DLG5: variants seen among roughly 807,000 people sequenced by gnomAD.
DLG5 encodes discs large MAGUK scaffold protein 5, also known as disks large homolog 5.
In DLG5, 48 loss-of-function variants were observed where a neutral mutation model predicts 189.8. The observed-to-expected ratio is 0.25, with a 90% CI of 0.20 to 0.32. DLG5 has a LOEUF of 0.32. DLG5 is among the 10% of genes least tolerant of loss of function. The pLI is 1.00. For missense variants in DLG5, 2,160 were observed against 2,544.7 expected (o/e 0.85, Z 3.25); for synonymous variants, 1,016 against 1,054.1 (o/e 0.96, Z 0.70).
At chr10:77,913,041 C>CTT (rs751586651) in intron 1 of DLG5, among the ~76,000 whole-genome samples, 2 of 152,146 alleles carry the variant, frequency 1.3e-5, no homozygotes, top group Non-Finnish European at 2.9e-5. Context: ...ATCTGGCTCT[C>CTT]ACCTAAGAGT....
At chr10:77,860,756 T>C (rs1425317529) in intron 2 of DLG5, among the ~76,000 whole-genome samples, 6 of 152,230 alleles carry the variant, frequency 3.9e-5, no homozygotes, top group African/African-American at 1.4e-4. Context: ...ATATGGAATA[T>C]GGACCTCTAA....
intron 1 of DLG5, among the ~76,000 whole-genome samples, chr10:77,899,032 C>G (rs963573822): frequency 6.6e-6 from 1 of 152,222 alleles, no homozygotes; most frequent in Non-Finnish European, 1.5e-5. Context: ...ATGGCCCAAT[C>G]TGAAGATGGC....
At chr10:77,865,746 C>A (rs541617131) in intron 2 of DLG5, among the ~76,000 whole-genome samples, 1 of 152,046 alleles carries the variant, frequency 6.6e-6, no homozygotes, top group Admixed American at 6.6e-5. Context: ...GGGAGGGCCT[C>A]GGGGAAGCTG....
At chr10:77,862,951 T>C (rs1844529433) in intron 2 of DLG5, among the ~76,000 whole-genome samples, 2 of 152,194 alleles carry the variant, frequency 1.3e-5, no homozygotes, top group South Asian at 2.1e-4. Flanking sequence ...GCAGAGGGAA[T>C]TTTTAAGATA....
In DLG5 at chr10:77,819,449, A is replaced by C; in HGVS notation, c.3543T>G (p.Ser1181Arg). 1 of 1,613,322 alleles carries C rather than the reference A, an allele frequency of 6.2e-7. No homozygotes were observed. Among genetic ancestry groups the C allele is most frequent in the Admixed American group, 1.7e-5 (1 of 59,980 alleles). Residue 1181 changes from serine (S) to arginine (R), a missense_variant, in exon 17 of 32, where the codon AGT (serine) becomes AGG (arginine). By Grantham distance (110) the Ser-to-Arg change is moderately radical. Around this residue, in one of 5 missense-constraint regions of DLG5, gnomAD observed 754 missense variants for 746.5 expected, o/e 1.01. Coordinates refer to ENST00000372391, the MANE Select transcript of DLG5 (RefSeq NM_004747.4). ...SRPSVGTVPR[S>R]LTPSTTVSSI... ...AGCTCACAGTGGTGCTGGGGGTCAAACTCCGGGGAACAGTGCCTAGAAATG... is the reference window on the plus strand; with the variant it reads ...AGCTCACAGTGGTGCTGGGGGTCAACCTCCGGGGAACAGTGCCTAGAAATG...
chr10:77,830,155 G>A, intron 11 of DLG5, 62 bp downstream of exon 11: 1 of 1,604,042 alleles, frequency 6.2e-7, no homozygotes, highest in Non-Finnish European at 8.5e-7. Context: ...GCTCTCTTCG[G>A]GTCCTCTGCA....
At chr10:77,811,834 G>T (rs756618749) in intron 22 of DLG5, 90 bp downstream of exon 22, 492 of 1,462,442 alleles carry the variant, frequency 3.4e-4, no homozygotes, top group Non-Finnish European at 4.0e-4. Flanking sequence ...ACTTACGGCT[G>T]GCACCCTGGG....
chr10:77,816,266 G>T (rs936688872), intron 20 of DLG5: 1 of 664,014 alleles, frequency 1.5e-6, no homozygotes, highest in Non-Finnish European at 2.8e-6. Context: ...TTGAACAAGG[G>T]CCCAGGAAGG....
rs74620632 is a variant in DLG5 at position 77,906,446 on chromosome 10, T to C, written c.304+19771A>G. Among the ~76,000 whole-genome samples the C allele has an allele frequency of 7.9e-3, 1,208 of 152,248 alleles. 6 individuals are homozygous for C. The highest frequency in any genetic ancestry group is 0.012 in the Non-Finnish European group (809 of 68,018). On this transcript the variant is annotated intron_variant, in intron 1 of 31. Transcript: ENST00000372391. ...GTGTGAAATGGAAACAACTGCTCAT[T>C]GATAAGTCTCCACTGTGAGGCCTCA... is the stretch of plus-strand genomic sequence containing the variant.
chr10:77,905,209 C>T (rs1207802144), intron 1 of DLG5, among the ~76,000 whole-genome samples: 1 of 151,932 alleles, frequency 6.6e-6, no homozygotes, highest in African/African-American at 2.4e-5. Context: ...CTGTGTTGCC[C>T]GGGCTGGTCT....
At chr10:77,929,290 C>T (rs1564603647), upstream of DLG5, 1 of 152,136 alleles carries the variant, frequency 6.6e-6, no homozygotes, top group African/African-American at 2.4e-5. Context: ...TATCCTCCCG[C>T]CTCGGTCTCC....
intron 14 of DLG5, among the ~76,000 whole-genome samples, chr10:77,823,336 T>A (rs1842458852): frequency 6.6e-6 from 1 of 152,242 alleles, no homozygotes; most frequent in South Asian, 2.1e-4. Flanking sequence ...CATTAAGAGA[T>A]GTTTTCTAAA....
chr10:77,792,720 C>T (rs1840699236), intron 31 of DLG5, 177 bp from the exon 32 acceptor site: 2 of 630,508 alleles, frequency 3.2e-6, no homozygotes, highest in South Asian at 3.8e-5. Flanking sequence ...AAGAAAATTG[C>T]CCCTCTTGAG....
chr10:77,827,211 T>A (rs997113326), intron 13 of DLG5, among the ~76,000 whole-genome samples: 79 of 152,300 alleles, frequency 5.2e-4, no homozygotes, highest in Middle Eastern at 3.4e-3. Flanking sequence ...AAAAAGTGTA[T>A]GGCATTTTCA....
the DLG5 span, among the ~76,000 whole-genome samples, chr10:77,939,175 C>T: frequency 6.6e-5 from 10 of 152,218 alleles, no homozygotes; most frequent in South Asian, 2.1e-4. Context: ...AGTGAAACTC[C>T]GTCTCAAAAC....
rs141368130 is a variant in DLG5 at position 77,807,652 on chromosome 10, G to T, written c.4796+144C>A. The T allele has an allele frequency of 7.7e-5, 73 of 952,922 alleles. 1 individual carries two copies. In the South Asian group the frequency reaches 7.8e-4, roughly 10 times the overall value. 59.0% of individuals were successfully genotyped at this position (952,922 alleles called of 1,614,324 possible). ...CACAATCATCTCAACATAAATAAGC[G>T]TGCAGATTGAGTGTCAAGGAATGAT... On this transcript the variant is annotated intron_variant, in intron 25 of 31. Transcript: ENST00000372391.
chr10:77,886,702 T>C (rs1020898231), intron 1 of DLG5, among the ~76,000 whole-genome samples: 6 of 152,176 alleles, frequency 3.9e-5, no homozygotes, highest in Admixed American at 2.6e-4. Context: ...AAAATCCATA[T>C]GTTAAAGCCC....
In DLG5 at chr10:77,828,864, T is replaced by C. The variant is rs1185636623; in HGVS notation, c.2289+18A>G. 1.2e-6 allele frequency: 1 copy of C among 829,702 alleles called. No individual in the cohort carries two copies. Among genetic ancestry groups the C allele is most frequent in the Admixed American group, 5.2e-5 (1 of 19,226 alleles). 51.4% of individuals were successfully genotyped at this position (829,702 alleles called of 1,614,324 possible). On this transcript the variant is annotated intron_variant, in intron 13 of 31. Coordinates refer to ENST00000372391, the MANE Select transcript of DLG5 (RefSeq NM_004747.4). ...CCTATGCACGGCAGATGACCCTGGC[T>C]CCAGCCTTGAGACTTACCGCAACGA...
intron 1 of DLG5, among the ~76,000 whole-genome samples, chr10:77,908,536 G>A (rs1016666709): frequency 3.9e-5 from 6 of 152,108 alleles, no homozygotes; most frequent in African/African-American, 4.8e-5. Flanking sequence ...CCTGCTGAGC[G>A]AATGCTCCAA....
Sources: gnomAD v4.1 joint callset for allele counts (sites outside exome capture counted in the v4.1 genomes callset) on GRCh38, gnomAD v4.1.1 for gene constraint, gnomAD v4.1.1 regional missense constraint, MANE v1.5 for transcripts, NCBI Gene and HGNC (gene_info 2026-07-23, HGNC 2026-07-21) for gene names.